ARHGEF3: variants seen among roughly 807,000 people sequenced by gnomAD.
The protein encoded by ARHGEF3 is Rho guanine nucleotide exchange factor 3.
In ARHGEF3, 28 loss-of-function variants were observed where a neutral mutation model predicts 63.2. The observed-to-expected ratio is 0.44, with a 90% CI of 0.33 to 0.61. The LOEUF (loss-of-function observed/expected upper bound fraction) is 0.61. Among genes scored for constraint, ARHGEF3 ranks in the 20% least tolerant of loss-of-function variants. The probability of loss-of-function intolerance (pLI) is 0.03; values close to 1 mark genes in which losing one functional copy is unlikely to be tolerated. For missense variants in ARHGEF3, 533 were observed against 659.3 expected, an observed-to-expected ratio of 0.81 and a Z score of 2.10; for synonymous variants, 266 against 254.2, an observed-to-expected ratio of 1.05 and a Z score of -0.44.
rs1198996218 is a variant in ARHGEF3, at chr3:57,074,131, G to A, written c.-28+5095C>T. 6.2e-6 allele frequency: 10 copies of A among 1,613,922 alleles called. No individual in the cohort carries two copies. In the East Asian group the frequency reaches 2.0e-4, roughly 32 times the overall value. Reference sequence around the variant, plus strand: ...GAGAGGACCACAGGATGGTTGTGGAGACTGTGTGAGGATATAGATGCCGAG... The same window carrying A: ...GAGAGGACCACAGGATGGTTGTGGAAACTGTGTGAGGATATAGATGCCGAG... On this transcript the variant is annotated intron_variant, in intron 1 of 12. Transcript: ENST00000338458.
In ARHGEF3 at chr3:56,793,086, C is replaced by T. The variant is rs560893273; in HGVS notation, c.96+8617G>A. On this transcript the variant is annotated intron_variant, in intron 1 of 9. Transcript: ENST00000296315. The stretch of plus-strand genomic sequence containing the variant: ...TAGTGCGATCTCAGCTCACTGCTAC[C>T]TCCGCCTCCCGAGTTCAAGCAATTC... Among the ~76,000 whole-genome samples, 3 of 152,214 alleles carry T rather than the reference C, an allele frequency of 2.0e-5. No individual in the cohort carries two copies. In the South Asian group the frequency reaches 6.2e-4, roughly 32 times the overall value.
chr3:56,729,993 G>A (rs985230897), intron 9 of ARHGEF3, among the ~76,000 whole-genome samples: 2 of 152,150 alleles, frequency 1.3e-5, no homozygotes, highest in Admixed American at 6.5e-5. Context: ...GCTGAAGTGG[G>A]AGCACTGCTT....
At chr3:57,002,479 T>TTATA (rs1159985048) in intron 2 of ARHGEF3, among the ~76,000 whole-genome samples, 12,697 of 39,414 alleles carry the variant, frequency 0.32, 2,584 homozygotes, top group Non-Finnish European at 0.37. Context: ...TATATATATG[T>TTATA]TATATATATA....
At chr3:56,751,546 G>T in intron 4 of ARHGEF3, 150 bp from the exon 5 acceptor site, 1 of 663,584 alleles carries the variant, frequency 1.5e-6, no homozygotes, top group South Asian at 1.8e-5. Context: ...ACAGCAGAGA[G>T]GTGTGGCTGG....
intron 1 of ARHGEF3, chr3:56,775,133 G>A (rs1441860233): frequency 6.5e-7 from 1 of 1,544,148 alleles, no homozygotes; most frequent in Admixed American, 2.0e-5. Flanking sequence ...GAGCCTCTAG[G>A]TATTCATCTT....
At chr3:56,833,250 C>T (rs1450933934) in intron 4 of ARHGEF3, among the ~76,000 whole-genome samples, 1 of 152,180 alleles carries the variant, frequency 6.6e-6, no homozygotes. Context: ...CTCACCAACA[C>T]TTCTTCTTTT....
chr3:56,897,075 A>C (rs1003910045), intron 3 of ARHGEF3, among the ~76,000 whole-genome samples: 3 of 152,222 alleles, frequency 2.0e-5, no homozygotes, highest in African/African-American at 7.2e-5. Context: ...AATGTTTATA[A>C]GTTATTCTTC....
At chr3:56,790,487 A>G (rs141891830) in intron 1 of ARHGEF3, among the ~76,000 whole-genome samples, 1 of 152,248 alleles carries the variant, frequency 6.6e-6, no homozygotes, top group African/African-American at 2.4e-5. Context: ...TCCCCAACAC[A>G]ATCACCAGGA....
chr3:57,058,542 G>C (rs989211978), intron 1 of ARHGEF3, among the ~76,000 whole-genome samples: 5 of 152,168 alleles, frequency 3.3e-5, no homozygotes, highest in African/African-American at 7.2e-5. Context: ...TACACTGTTG[G>C]TGGGACTGTA....
At chr3:57,006,071 T>A (rs1702455846) in intron 2 of ARHGEF3, among the ~76,000 whole-genome samples, 1 of 152,204 alleles carries the variant, frequency 6.6e-6, no homozygotes, top group Non-Finnish European at 1.5e-5. Context: ...TAAATAAAGC[T>A]ATCCCTAGCA....
At chr3:57,079,034 G>C (rs948307087) in intron 1 of ARHGEF3, 18 of 339,758 alleles carry the variant, frequency 5.3e-5, no homozygotes, top group Non-Finnish European at 8.5e-5. Flanking sequence ...GGGCCCGCCG[G>C]GGACGCCGAG....
chr3:57,014,108 C>T (rs778501413), intron 2 of ARHGEF3, among the ~76,000 whole-genome samples: 4 of 152,012 alleles, frequency 2.6e-5, no homozygotes, highest in Non-Finnish European at 4.4e-5. Flanking sequence ...ACGAACAACT[C>T]CAGACGTGAC....
chr3:56,887,530 C>A (rs1212892717), intron 3 of ARHGEF3, among the ~76,000 whole-genome samples: 1 of 152,134 alleles, frequency 6.6e-6, no homozygotes, highest in Non-Finnish European at 1.5e-5. Flanking sequence ...TAAGTGGCAG[C>A]TCCTGTTATG....
intron 2 of ARHGEF3, among the ~76,000 whole-genome samples, chr3:56,999,314 G>T (rs914562504): frequency 2.0e-5 from 3 of 152,102 alleles, no homozygotes; most frequent in African/African-American, 4.8e-5. Flanking sequence ...GCCTCCCAAA[G>T]TTCTGAGATT....
At chr3:57,019,203 A>G (rs895863424) in intron 2 of ARHGEF3, among the ~76,000 whole-genome samples, 1 of 152,192 alleles carries the variant, frequency 6.6e-6, no homozygotes, top group Non-Finnish European at 1.5e-5. Flanking sequence ...AAAGAGGAAC[A>G]AGAGAGCAAG....
At chr3:56,770,970 A>C (rs2035974647) in intron 2 of ARHGEF3, among the ~76,000 whole-genome samples, 2 of 152,202 alleles carry the variant, frequency 1.3e-5, no homozygotes, top group Admixed American at 1.3e-4. Flanking sequence ...AAAATTAGCC[A>C]GGCGTGGTGG....
intron 4 of ARHGEF3, among the ~76,000 whole-genome samples, chr3:56,849,159 C>G (rs539919110): frequency 1.3e-5 from 2 of 152,158 alleles, no homozygotes; most frequent in East Asian, 1.9e-4. Context: ...TTTTGTGAGG[C>G]TTCTTCATTC....
chr3:56,730,652 A>C (rs1488862009), intron 9 of ARHGEF3, among the ~76,000 whole-genome samples: 1 of 152,166 alleles, frequency 6.6e-6, no homozygotes, highest in Non-Finnish European at 1.5e-5. Context: ...AAAAGATGGG[A>C]CTATAGGCGT....
At chr3:57,035,171 G>C in exon 2 of ARHGEF3, 2 of 1,493,102 alleles carry the variant, frequency 1.3e-6, no homozygotes, top group Non-Finnish European at 1.8e-6. Context: ...GGCAGGCTCA[G>C]GTCTCCTTTT....
Sources: gnomAD v4.1 joint callset for allele counts (sites outside exome capture counted in the v4.1 genomes callset) on GRCh38, gnomAD v4.1.1 for gene constraint, MANE v1.5 for transcripts, NCBI Gene and HGNC (gene_info 2026-07-23, HGNC 2026-07-21) for gene names.